Variants in CCDC159 observed in about 807,000 individuals in gnomAD.
CCDC159 encodes the protein coiled-coil domain-containing protein 159.
Under a neutral mutation model 50.9 loss-of-function variants are expected in CCDC159, and 40 were observed. That is an observed-to-expected ratio of 0.79 (90% CI 0.61 to 1.02). The LOEUF is 1.02. Ranked by LOEUF, CCDC159 falls within the 50% of genes least tolerant of loss-of-function variation. The pLI is 0.00. For synonymous variants in CCDC159, 146 were observed against 138.9 expected, an observed-to-expected ratio of 1.05 and a Z score of -0.36; for missense variants, 356 against 371.5, an observed-to-expected ratio of 0.96 and a Z score of 0.34.
intron 5 of CCDC159, 96 bp downstream of exon 5, chr19:11,351,099 TGGGGGA>T: frequency 1.2e-6 from 1 of 861,476 alleles, no homozygotes; most frequent in Non-Finnish European, 1.5e-6. Flanking sequence ...GGCAGATGCC[TGGGGGA>T]GGGGGACTGA....
In CCDC159 at chr19:11,350,146, C is replaced by T. The variant is rs1967489978; in HGVS notation, c.173C>T (p.Thr58Ile). 4 of 1,613,550 alleles carry T rather than the reference C, an allele frequency of 2.5e-6. No homozygotes were observed. Among genetic ancestry groups the T allele is most frequent in the Non-Finnish European group, 3.4e-6 (4 of 1,179,764 alleles). ...TTCGAGTTCCTGAACCACTCAGTGA[C>T]CATGTTGGAGAAGGAGAGCTGCTTG... The part of the protein sequence containing the change: ...KAFEFLNHSV[T>I]MLEKESCLQQ... The change falls in exon 4 of 11, where the codon ACC (threonine) becomes ATC (isoleucine). Residue 58 changes from threonine to isoleucine, a missense_variant. Transcript: ENST00000458408.
intron 1 of CCDC159, chr19:11,348,878 G>A (rs751668845): frequency 1.2e-6 from 1 of 865,850 alleles, no homozygotes; most frequent in Non-Finnish European, 1.7e-6. Flanking sequence ...GGTTAGTTAG[G>A]GGGCTCCCAT....
rs1967490820 is a variant in CCDC159, at chr19:11,350,158, A to G, written c.185A>G (p.Lys62Arg). 6.2e-7 allele frequency: 1 copy of G among 1,613,468 alleles called. No individual in the cohort carries two copies. The highest frequency in any genetic ancestry group is 8.5e-7 in the Non-Finnish European group (1 of 1,179,738). ...FLNHSVTMLE[K>R]ESCLQQIKIQ... Reference sequence around the variant, plus strand: ...AACCACTCAGTGACCATGTTGGAGAAGGAGAGCTGCTTGCAGCAAATCAAG... The same window carrying G: ...AACCACTCAGTGACCATGTTGGAGAGGGAGAGCTGCTTGCAGCAAATCAAG... Residue 62 changes from lysine (K) to arginine (R), a missense_variant, in exon 4 of 11, where the codon AAG (lysine) becomes AGG (arginine). Coordinates refer to ENST00000458408, the MANE Select transcript of CCDC159 (RefSeq NM_001080503.3).
At chr19:11,348,431 G>A (rs1330048105) in intron 1 of CCDC159, among the ~76,000 whole-genome samples, 3 of 152,124 alleles carry the variant, frequency 2.0e-5, no homozygotes, top group Non-Finnish European at 4.4e-5. Flanking sequence ...TGGGATTACA[G>A]GCGCCCACCA....
Position 11,353,389 on chromosome 19 carries a change from C to A in CCDC159, c.568-62C>A. On this transcript the variant is annotated intron_variant, in intron 7 of 10. Transcript: ENST00000458408. ...TGCTGGGATTACAGGTGTGAGCCAC[C>A]GCGCCTGGCACTATTGTCATTATTA... 4 of 1,504,924 alleles carry A rather than the reference C, an allele frequency of 2.7e-6. No homozygotes were observed. The East Asian group carries it at 7.6e-5, about 29-fold the overall frequency. The allele number at this position is 1,504,924 out of a possible 1,614,324, so 93.2% of individuals were successfully genotyped here.
rs371302789 is a variant in CCDC159, at chr19:11,354,612, C to A, written c.805C>A (p.Leu269Ile). 26 of 1,598,620 alleles carry A rather than the reference C, an allele frequency of 1.6e-5. No individual in the cohort carries two copies. The highest frequency in any genetic ancestry group is 1.4e-5 in the Non-Finnish European group (16 of 1,172,278). ...GGGGCACCAGTGCCTGAGCCCTCCA[C>A]TCCCCTCCTGGGACTCTGACTCCGA... is the stretch of plus-strand genomic sequence containing the variant. ...HKGHQCLSPP[L>I]PSWDSDSDCD... Residue 269 changes from leucine (L) to isoleucine (I), a missense_variant, in exon 10 of 11, where the codon CTC (leucine) becomes ATC (isoleucine). Transcript: ENST00000458408.
At chr19:11,352,035 C>T (rs1967615598) in intron 6 of CCDC159, 22 bp from the exon 7 acceptor site, 1 of 1,613,338 alleles carries the variant, frequency 6.2e-7, no homozygotes, top group South Asian at 1.1e-5. Flanking sequence ...CCTTTGTCCG[C>T]CTGAGCCCCC....
At chr19:11,348,350 G>A (rs1228183189) in intron 1 of CCDC159, among the ~76,000 whole-genome samples, 2 of 152,146 alleles carry the variant, frequency 1.3e-5, no homozygotes, top group Non-Finnish European at 1.5e-5. Flanking sequence ...GTGCAGTGGT[G>A]CAATCTCGGC....
At chr19:11,349,494 G>A in intron 1 of CCDC159, 160 bp from the exon 2 acceptor site, 1 of 824,576 alleles carries the variant, frequency 1.2e-6, no homozygotes, top group South Asian at 1.6e-5. Context: ...AGGGGGAGGT[G>A]CATGAATATG....
intron 5 of CCDC159, 176 bp from the exon 6 acceptor site, chr19:11,351,730 G>T (rs1175304311): frequency 8.6e-6 from 5 of 578,496 alleles, no homozygotes; most frequent in Non-Finnish European, 1.5e-5. Flanking sequence ...GGGAGGCTGG[G>T]GATCAGAAGG....
chr19:11,349,777 C>A, intron 2 of CCDC159, 90 bp downstream of exon 2: 2 of 1,216,094 alleles, frequency 1.6e-6, no homozygotes, highest in East Asian at 2.4e-5. Context: ...TGTCCCCCTG[C>A]CATGGTCACC....
chr19:11,348,802 C>T (rs1015731241), intron 1 of CCDC159: 3 of 537,236 alleles, frequency 5.6e-6, no homozygotes, highest in African/African-American at 3.8e-5. Context: ...TGTGTCCTGC[C>T]TCTACTCACC....
At chr19:11,349,116 C>T in intron 1 of CCDC159, 1 of 1,350,282 alleles carries the variant, frequency 7.4e-7, no homozygotes. Flanking sequence ...CATGAGGCTG[C>T]CCCCTCCCCC....
intron 7 of CCDC159, 87 bp downstream of exon 7, chr19:11,352,220 T>C: frequency 3.7e-6 from 5 of 1,334,402 alleles, no homozygotes; most frequent in Non-Finnish European, 5.3e-6. Flanking sequence ...GATTGGAGCC[T>C]GGGTTCAAAT....
rs1414567947 is a variant in CCDC159 at position 11,351,889 on chromosome 19, C to G, written c.423-17C>G. On this transcript the variant is annotated splice_polypyrimidine_tract_variant and intron_variant, in intron 5 of 10. Coordinates refer to ENST00000458408, the MANE Select transcript of CCDC159 (RefSeq NM_001080503.3). The stretch of plus-strand genomic sequence containing the variant: ...GCCAGGCAGGGAGTGCAGGTCTAGG[C>G]TGCACTGTCCCCTCAGCAAGAAGTT... The G allele has an allele frequency of 5.1e-6, 8 of 1,579,422 alleles. No individual in the cohort carries two copies. The East Asian group carries it at 1.9e-4, about 37-fold the overall frequency.
chr19:11,352,523 T>C (rs1191173299), intron 7 of CCDC159: 7 of 210,346 alleles, frequency 3.3e-5, no homozygotes, highest in South Asian at 6.6e-5. Flanking sequence ...GGAGAATGGC[T>C]TGAACCTAGG....
rs537174953 is a variant in CCDC159 at position 11,349,089 on chromosome 19, G to A, written c.22-565G>A. The A allele has an allele frequency of 1.6e-5, 21 of 1,347,494 alleles. No homozygotes were observed. In the South Asian group the frequency reaches 2.3e-4, roughly 15 times the overall value. 83.5% of individuals were successfully genotyped at this position (1,347,494 alleles called of 1,614,324 possible). On this transcript the variant is annotated intron_variant, in intron 1 of 10. Transcript: ENST00000458408. ...ACTGCAGACTGCAGGCCAGGGTGGG[G>A]CTCAGGGCCTTCGCCACATGAGGCT...
chr19:11,349,747 C>T (rs374225072), intron 2 of CCDC159, 60 bp downstream of exon 2: 744 of 1,379,072 alleles, frequency 5.4e-4, no homozygotes, highest in South Asian at 3.2e-3. Flanking sequence ...TCTACCTCTA[C>T]CCTCTGCCCC....
intron 1 of CCDC159, among the ~76,000 whole-genome samples, chr19:11,346,896 C>A (rs1046622469): frequency 6.6e-6 from 1 of 152,180 alleles, no homozygotes; most frequent in Non-Finnish European, 1.5e-5. Context: ...GCAAACACAG[C>A]TCCCCATTAC....
Sources: allele counts gnomAD v4.1 joint callset (sites outside exome capture counted in the v4.1 genomes callset), GRCh38; gene constraint gnomAD v4.1.1; transcripts MANE v1.5; gene names NCBI Gene and HGNC (gene_info 2026-07-23, HGNC 2026-07-21).